HOMER1: variants seen among roughly 807,000 people sequenced by gnomAD.
The protein encoded by HOMER1 is homer scaffold protein 1.
HOMER1 carries 3 observed loss-of-function variants against 48.9 expected under a neutral mutation model. The ratio of observed to expected loss-of-function variants is 0.06; its 90% CI spans 0.03 to 0.16. HOMER1 has a LOEUF of 0.16. HOMER1 is among the 10% of genes least tolerant of loss of function. HOMER1 has a pLI of 1.00. For synonymous variants in HOMER1, 134 were observed against 146.4 expected, an observed-to-expected ratio of 0.92 and a Z score of 0.61; for missense variants, 247 against 411.4, an observed-to-expected ratio of 0.60 and a Z score of 3.46.
chr5:79,448,587 C>G (rs1434241676), intron 3 of HOMER1, among the ~76,000 whole-genome samples: 1 of 152,088 alleles, frequency 6.6e-6, no homozygotes, highest in East Asian at 1.9e-4. Context: ...TTTGAGATGT[C>G]TTTGTCTAGA....
chr5:79,427,670 TTCCCTTCC>T, intron 5 of HOMER1, among the ~76,000 whole-genome samples: 2 of 103,754 alleles, frequency 1.9e-5, no homozygotes, highest in Admixed American at 1.0e-4. Flanking sequence ...CTTCCTTTCC[TTCCCTTCC>T]TTCCTTCCCT....
chr5:79,462,549 T>TA (rs1472082531), intron 1 of HOMER1, among the ~76,000 whole-genome samples: 7 of 152,142 alleles, frequency 4.6e-5, no homozygotes, highest in Non-Finnish European at 2.9e-5. Flanking sequence ...AAACAAGACT[T>TA]ACTCAAACTC....
chr5:79,509,128 C>A (rs1226373177), intron 1 of HOMER1, among the ~76,000 whole-genome samples: 1 of 152,188 alleles, frequency 6.6e-6, no homozygotes, highest in Non-Finnish European at 1.5e-5. Flanking sequence ...CATCTTTCAG[C>A]AAAGAGACTC....
At chr5:79,457,315 C>T (rs1412129021) in intron 1 of HOMER1, among the ~76,000 whole-genome samples, 3 of 152,186 alleles carry the variant, frequency 2.0e-5, no homozygotes, top group Non-Finnish European at 4.4e-5. Flanking sequence ...CACAGACACA[C>T]ACAGGGCAGT....
chr5:79,444,158 T>C (rs1045790616), intron 4 of HOMER1, among the ~76,000 whole-genome samples: 3 of 152,158 alleles, frequency 2.0e-5, no homozygotes, highest in Admixed American at 2.0e-4. Context: ...TTCAGCAGAT[T>C]GGGTTAAACC....
At chr5:79,460,678 C>G (rs1362324761) in intron 1 of HOMER1, among the ~76,000 whole-genome samples, 1 of 152,068 alleles carries the variant, frequency 6.6e-6, no homozygotes, top group Admixed American at 6.6e-5. Flanking sequence ...CGGGACATTT[C>G]ACAATGTCTG....
rs1166673714 is a variant in HOMER1 at position 79,513,452 on chromosome 5, G to C, written c.-678C>G. On this transcript the variant is annotated 5_prime_UTR_variant, in exon 1 of 9. Transcript: ENST00000334082. ...GAAGAGGTGGGGAGGACGAAGAGAA[G>C]GCTAGGCAGGATCGATTCATTCTCC... 6.6e-6 allele frequency: 1 copy of C among 152,550 alleles called. No individual in the cohort carries two copies. The highest frequency in any genetic ancestry group is 1.9e-4 in the East Asian group (1 of 5,184). The allele number at this position is 152,550 out of a possible 1,614,324, so 9.4% of individuals were successfully genotyped here.
intron 1 of HOMER1, among the ~76,000 whole-genome samples, chr5:79,508,151 C>G (rs1456498913): frequency 6.6e-6 from 1 of 152,208 alleles, no homozygotes; most frequent in Non-Finnish European, 1.5e-5. Context: ...CTTCCCTGAT[C>G]ATGTTCTTAC....
At chr5:79,492,063 T>C (rs1053053281) in intron 1 of HOMER1, among the ~76,000 whole-genome samples, 14 of 152,190 alleles carry the variant, frequency 9.2e-5, no homozygotes, top group African/African-American at 3.4e-4. Context: ...CTAAATCCCT[T>C]TCCCAAGGTT....
intron 5 of HOMER1, among the ~76,000 whole-genome samples, chr5:79,435,238 G>T (rs1440717489): frequency 6.6e-6 from 1 of 152,166 alleles, no homozygotes; most frequent in African/African-American, 2.4e-5. Context: ...AGTGCTAAAT[G>T]AAAAGTAGGA....
chr5:79,491,438 CAAAAAAAAA>C (rs56778843), intron 1 of HOMER1, among the ~76,000 whole-genome samples: 70 of 57,708 alleles, frequency 1.2e-3, no homozygotes, highest in Admixed American at 6.4e-3. Flanking sequence ...GACCTTGTCT[CAAAAAAAAA>C]AAAAAAAAAA....
chr5:79,500,959 GACAGACACACACACACACAC>G (rs1320991662), intron 1 of HOMER1, among the ~76,000 whole-genome samples: 1 of 129,950 alleles, frequency 7.7e-6, no homozygotes, highest in Non-Finnish European at 1.5e-5. Flanking sequence ...GTGTGAGACA[GACAGACACACACACACACAC>G]ACACACACAC....
chr5:79,503,931 C>A (rs2112378753), intron 1 of HOMER1, among the ~76,000 whole-genome samples: 1 of 152,214 alleles, frequency 6.6e-6, no homozygotes, highest in Non-Finnish European at 1.5e-5. Flanking sequence ...CTACACAGTT[C>A]AAACCTGTGT....
At chr5:79,449,100 A>C (rs1267254684) in intron 3 of HOMER1, among the ~76,000 whole-genome samples, 2 of 152,246 alleles carry the variant, frequency 1.3e-5, no homozygotes, top group African/African-American at 4.8e-5. Context: ...GATGTAACGA[A>C]GAACTTAATT....
In HOMER1 at chr5:79,373,174, A is replaced by C. The variant is rs1310879581; in HGVS notation, c.*2835T>G. ...AATGCAAAATCCAGTAGCACCTGAAAGATTTAAGTAAATGCTGTCATCATT... is the reference window on the plus strand; with the variant it reads ...AATGCAAAATCCAGTAGCACCTGAACGATTTAAGTAAATGCTGTCATCATT... On this transcript the variant is annotated 3_prime_UTR_variant, in exon 9 of 9. Transcript: ENST00000334082. The C allele has an allele frequency of 6.6e-6, 1 of 152,164 alleles. No individual in the cohort carries two copies. Among genetic ancestry groups the C allele is most frequent in the African/African-American group, 2.4e-5 (1 of 41,460 alleles). 9.4% of individuals were successfully genotyped at this position (152,164 alleles called of 1,614,324 possible).
intron 5 of HOMER1, among the ~76,000 whole-genome samples, chr5:79,405,219 C>CA (rs1580428187): frequency 1.3e-5 from 2 of 152,210 alleles, no homozygotes; most frequent in East Asian, 3.9e-4. Context: ...GACACAGACA[C>CA]ACGAACATAA....
Position 79,379,101 on chromosome 5 carries a change from TATATATATATATAAAATATATAA to T in HOMER1, c.877-2927_877-2905del, listed in dbSNP as rs1466157571. Among the ~76,000 whole-genome samples the T allele has an allele frequency of 3.6e-4, 21 of 57,848 alleles. 1 individual carries two copies. The highest frequency in any genetic ancestry group is 2.5e-3 in the African/African-American group (21 of 8,502). 38.0% of individuals were successfully genotyped at this position (57,848 alleles called of 152,430 possible). ...GTCCATATATATATATATATATATA[TATATATATATATAAAATATATAA>T]ATATTTATTTATATATAAAAATTAT... On this transcript the variant is annotated intron_variant, in intron 8 of 8. Transcript: ENST00000334082.
chr5:79,495,077 T>C (rs1752384118), intron 1 of HOMER1, among the ~76,000 whole-genome samples: 2 of 152,136 alleles, frequency 1.3e-5, no homozygotes, highest in Non-Finnish European at 1.5e-5. Context: ...CTATATATAT[T>C]AACACAAAGA....
chr5:79,417,768 A>G (rs954476581), intron 5 of HOMER1, among the ~76,000 whole-genome samples: 2 of 152,332 alleles, frequency 1.3e-5, no homozygotes, highest in Admixed American at 6.5e-5. Context: ...ATTTCCTTGC[A>G]GAGTAGGTCA....
Sources: gnomAD v4.1 joint callset for allele counts (sites outside exome capture counted in the v4.1 genomes callset) on GRCh38, gnomAD v4.1.1 for gene constraint, MANE v1.5 for transcripts, NCBI Gene and HGNC (gene_info 2026-07-23, HGNC 2026-07-21) for gene names.